Variants in HSD11B1 observed in about 807,000 individuals in gnomAD.
HSD11B1 encodes the protein 11-beta-hydroxysteroid dehydrogenase 1.
Under a neutral mutation model 22.1 loss-of-function variants are expected in HSD11B1, and 15 were observed. The ratio of observed to expected loss-of-function variants is 0.68; its 90% confidence interval spans 0.45 to 1.04. The LOEUF (loss-of-function observed/expected upper bound fraction) is 1.04, where lower values mean the gene tolerates loss of function less well. Ranked by LOEUF, HSD11B1 falls within the 50% of genes least tolerant of loss-of-function variation. The pLI, the probability that HSD11B1 is intolerant of heterozygous loss-of-function variation, is 0.00. For missense variants in HSD11B1, 281 were observed against 357.6 expected (o/e 0.79, Z 1.73); for synonymous variants, 122 against 125.2 (o/e 0.97, Z 0.17).
Position 209,705,802 on chromosome 1 carries a change from G to GT in HSD11B1, c.89-7dup, listed in dbSNP as rs749866020. 1.2e-6 allele frequency: 2 copies of GT among 1,613,466 alleles called. No individual in the cohort carries two copies. Among genetic ancestry groups the GT allele is most frequent in the Non-Finnish European group, 1.7e-6 (2 of 1,179,674 alleles). On this transcript the variant is annotated splice_polypyrimidine_tract_variant and intron_variant, in intron 1 of 5. Transcript: ENST00000367027. The stretch of plus-strand genomic sequence containing the variant: ...GGTATGGTCCTCACTTCCTTTTGGG[G>GT]TTCCCCAGAGATGCTCCAAGGAAAG...
intron 1 of HSD11B1, among the ~76,000 whole-genome samples, chr1:209,693,104 G>A (rs2076770985): frequency 6.6e-6 from 1 of 152,150 alleles, no homozygotes; most frequent in Non-Finnish European, 1.5e-5. Flanking sequence ...TCTGCTGGCA[G>A]AAGCATGTTA....
intron 1 of HSD11B1, among the ~76,000 whole-genome samples, chr1:209,686,563 G>C (rs2102347664): frequency 6.6e-6 from 1 of 152,258 alleles, no homozygotes; most frequent in South Asian, 2.1e-4. Flanking sequence ...TGATCATTGT[G>C]GGACAGAAAG....
intron 1 of HSD11B1, among the ~76,000 whole-genome samples, chr1:209,697,628 C>T (rs2076798276): frequency 6.6e-6 from 1 of 152,132 alleles, no homozygotes; most frequent in Non-Finnish European, 1.5e-5. Flanking sequence ...ATGATTCCTC[C>T]ACCCAGCTAC....
chr1:209,719,038 G>GAAAAAAAAAAAAAAAAAAAAAAAAA (rs1236915950), intron 4 of HSD11B1, among the ~76,000 whole-genome samples: 1 of 57,238 alleles, frequency 1.7e-5, no homozygotes, highest in African/African-American at 7.2e-5. Flanking sequence ...AAAAAAAAAG[G>GAAAAAAAAAAAAAAAAAAAAAAAAA]AAAGAAAAGA....
At chr1:209,726,597 CA>C (rs371174486) in intron 4 of HSD11B1, among the ~76,000 whole-genome samples, 1,566 of 148,260 alleles carry the variant, frequency 0.011, 25 homozygotes, top group African/African-American at 0.036. Context: ...CTAACAACAA[CA>C]AAAAAAAAAC....
chr1:209,725,087 A>G (rs901124172), intron 4 of HSD11B1, among the ~76,000 whole-genome samples: 9 of 152,198 alleles, frequency 5.9e-5, no homozygotes, highest in African/African-American at 1.9e-4. Context: ...CTCAGTATGA[A>G]CTTTCCAATA....
intron 4 of HSD11B1, among the ~76,000 whole-genome samples, chr1:209,719,086 A>G (rs756709728): frequency 2.6e-5 from 4 of 151,736 alleles, no homozygotes; most frequent in Non-Finnish European, 5.9e-5. Flanking sequence ...TTGTATATCC[A>G]TGTTCACAGG....
Position 209,711,412 on chromosome 1 carries a change from A to T in HSD11B1, c.517+4284A>T, listed in dbSNP as rs77227889. On this transcript the variant is annotated intron_variant, in intron 4 of 5. Coordinates refer to ENST00000367027, the MANE Select transcript of HSD11B1 (RefSeq NM_005525.4). Reference sequence around the variant, plus strand: ...AAAGGGGCAATTTATCCCTTGCCACAGTTGTTCTCATTTTTCTAAGAAAAA... The same window carrying T: ...AAAGGGGCAATTTATCCCTTGCCACTGTTGTTCTCATTTTTCTAAGAAAAA... Among the ~76,000 whole-genome samples, 832 of 152,292 alleles carry T rather than the reference A, an allele frequency of 5.5e-3. 15 individuals are homozygous for T. Among genetic ancestry groups the T allele is most frequent in the African/African-American group, 0.019 (807 of 41,562 alleles).
At chr1:209,690,676 G>A (rs1053924535) in intron 1 of HSD11B1, among the ~76,000 whole-genome samples, 3 of 152,014 alleles carry the variant, frequency 2.0e-5, no homozygotes, top group African/African-American at 2.4e-5. Context: ...CAGCCTGAGC[G>A]ACAAGAGTGG....
chr1:209,733,895 C>T (rs1332019755), intron 5 of HSD11B1, among the ~76,000 whole-genome samples: 1 of 152,158 alleles, frequency 6.6e-6, no homozygotes, highest in Admixed American at 6.6e-5. Context: ...TTTTACAAGA[C>T]AGTAAGTCAT....
chr1:209,728,153 T>A (rs963608532), intron 4 of HSD11B1, among the ~76,000 whole-genome samples: 1 of 152,204 alleles, frequency 6.6e-6, no homozygotes, highest in African/African-American at 2.4e-5. Flanking sequence ...ATGCCTCCAA[T>A]TTCATGCTTT....
chr1:209,718,680 A>G (rs2076945191), intron 4 of HSD11B1, among the ~76,000 whole-genome samples: 1 of 152,108 alleles, frequency 6.6e-6, no homozygotes, highest in Non-Finnish European at 1.5e-5. Flanking sequence ...TACCTCAGAA[A>G]ATTTAAAATA....
rs2077043411 is a variant in HSD11B1 at position 209,732,721 on chromosome 1, T to C, written c.661+142T>C. Reference sequence around the variant, plus strand: ...CCATTAACTCGTCACTTACATTAGGTATATCTCCTAATGCTATCCCTCCCC... The same window carrying C: ...CCATTAACTCGTCACTTACATTAGGCATATCTCCTAATGCTATCCCTCCCC... On this transcript the variant is annotated intron_variant, in intron 5 of 5. Transcript: ENST00000367027. 3 of 719,066 alleles carry C rather than the reference T, an allele frequency of 4.2e-6. No individual in the cohort carries two copies. The South Asian group carries it at 4.5e-5, about 11-fold the overall frequency. 44.5% of individuals were successfully genotyped at this position (719,066 alleles called of 1,614,324 possible).
Position 209,697,619 on chromosome 1 carries a change from T to A in HSD11B1, c.-48-7276T>A, listed in dbSNP as rs1449750974. On this transcript the variant is annotated intron_variant, in intron 1 of 6. Coordinates refer to the HSD11B1 transcript ENST00000261465. ...ACCTAACTAAATAAATGTTAGTAGATGATTCCTCCACCCAGCTACCATGTG... is the reference window on the plus strand; with the variant it reads ...ACCTAACTAAATAAATGTTAGTAGAAGATTCCTCCACCCAGCTACCATGTG... 2.0e-5 allele frequency among the ~76,000 whole-genome samples: 3 copies of A among 152,222 alleles called. No homozygotes were observed. The East Asian group carries it at 5.8e-4, about 29-fold the overall frequency.
intron 1 of HSD11B1, among the ~76,000 whole-genome samples, chr1:209,690,646 A>G (rs2076754295): frequency 6.6e-6 from 1 of 151,940 alleles, no homozygotes; most frequent in Non-Finnish European, 1.5e-5. Flanking sequence ...GCAGGGAGCC[A>G]AGATCGCGCC....
intron 4 of HSD11B1, among the ~76,000 whole-genome samples, chr1:209,725,140 C>T (rs1174424033): frequency 2.0e-5 from 3 of 152,164 alleles, no homozygotes; most frequent in Non-Finnish European, 4.4e-5. Flanking sequence ...AGGCTGCCTC[C>T]TCCAACCCTA....
At chr1:209,693,541 A>T (rs541029408) in intron 1 of HSD11B1, among the ~76,000 whole-genome samples, 1 of 152,322 alleles carries the variant, frequency 6.6e-6, no homozygotes, top group Non-Finnish European at 1.5e-5. Flanking sequence ...TACTTCCTCG[A>T]TTCTCAAAAG....
intron 1 of HSD11B1, among the ~76,000 whole-genome samples, chr1:209,693,554 G>A (rs963020500): frequency 1.3e-5 from 2 of 152,204 alleles, no homozygotes; most frequent in African/African-American, 4.8e-5. Flanking sequence ...CTCAAAAGAA[G>A]TGGTCTCCTT....
intron 1 of HSD11B1, among the ~76,000 whole-genome samples, 182 bp downstream of exon 1, chr1:209,705,212 G>A (rs966132621): frequency 1.3e-5 from 2 of 152,048 alleles, no homozygotes; most frequent in African/African-American, 2.4e-5. Flanking sequence ...GACTGTGTAG[G>A]AAGGGTAATC....
Sources: gnomAD v4.1 joint callset for allele counts (sites outside exome capture counted in the v4.1 genomes callset) on GRCh38, gnomAD v4.1.1 for gene constraint, MANE v1.5 for transcripts, NCBI Gene and HGNC (gene_info 2026-07-23, HGNC 2026-07-21) for gene names.